Variants in TMPRSS15 observed in about 807,000 individuals in gnomAD.
TMPRSS15 encodes the protein transmembrane serine protease 15.
Under a neutral mutation model 125.3 loss-of-function variants are expected in TMPRSS15, and 128 were observed. That is an observed-to-expected ratio of 1.02 (90% confidence interval 0.89 to 1.18). The LOEUF (loss-of-function observed/expected upper bound fraction) is 1.18, where lower values mean the gene tolerates loss of function less well. Among genes scored for constraint, TMPRSS15 ranks in the 50% most tolerant of loss-of-function variants. TMPRSS15 has a pLI of 0.00. For synonymous variants in TMPRSS15, 446 were observed against 423.2 expected (o/e 1.05, Z -0.66); for missense variants, 1,283 against 1,212.7 (o/e 1.06, Z -0.86).
chr21:18,396,559 G>GGTCAGGAGATCGAGAC (rs961191531), intron 3 of TMPRSS15, among the ~76,000 whole-genome samples: 10 of 152,030 alleles, frequency 6.6e-5, no homozygotes, highest in African/African-American at 2.2e-4. Flanking sequence ...CGGATCACGA[G>GGTCAGGAGATCGAGAC]GTCAGGAGAT....
intron 1 of TMPRSS15, among the ~76,000 whole-genome samples, chr21:18,416,930 T>C (rs1330926529): frequency 1.3e-5 from 2 of 152,066 alleles, no homozygotes; most frequent in Non-Finnish European, 2.9e-5. Context: ...GATTTTGAGA[T>C]ACACCATGGC....
chr21:18,435,180 G>T (rs922468902), intron 1 of TMPRSS15, among the ~76,000 whole-genome samples: 1 of 152,180 alleles, frequency 6.6e-6, no homozygotes, highest in Non-Finnish European at 1.5e-5. Context: ...GAATAGGAGT[G>T]GTGAGAGAGG....
intron 5 of TMPRSS15, among the ~76,000 whole-genome samples, chr21:18,374,419 G>A (rs2075821433): frequency 7.1e-6 from 1 of 141,104 alleles, no homozygotes; most frequent in Admixed American, 7.7e-5. Flanking sequence ...CTTGCAGTGA[G>A]CCGAGATTGC....
At chr21:18,477,509 CAT>C (rs1978902535) in intron 1 of TMPRSS15, 1 of 152,022 alleles carries the variant, frequency 6.6e-6, no homozygotes, top group African/African-American at 2.4e-5. Context: ...AAGTAACAAA[CAT>C]GGAAATTTAA....
At chr21:18,369,213 G>A (rs975926671) in intron 6 of TMPRSS15, among the ~76,000 whole-genome samples, 1 of 152,128 alleles carries the variant, frequency 6.6e-6, no homozygotes, top group East Asian at 1.9e-4. Flanking sequence ...TAGGACCCAC[G>A]AAGAACTCCC....
chr21:18,431,602 TAAG>T (rs1429621686), intron 1 of TMPRSS15, among the ~76,000 whole-genome samples: 3 of 152,252 alleles, frequency 2.0e-5, no homozygotes, highest in Admixed American at 1.3e-4. Flanking sequence ...TTTTCTCCAA[TAAG>T]AACTTTTTTC....
At chr21:18,287,515 C>A (rs2074779641) in intron 21 of TMPRSS15, among the ~76,000 whole-genome samples, 1 of 152,002 alleles carries the variant, frequency 6.6e-6, no homozygotes, top group South Asian at 2.1e-4. Flanking sequence ...ACAATGTGAT[C>A]CAAGATGATG....
At chr21:18,457,351 C>A (rs1211153306) in intron 1 of TMPRSS15, among the ~76,000 whole-genome samples, 6 of 151,968 alleles carry the variant, frequency 3.9e-5, no homozygotes, top group Non-Finnish European at 7.4e-5. Flanking sequence ...GAGACACGTA[C>A]GTTTCTCACC....
intron 1 of TMPRSS15, among the ~76,000 whole-genome samples, chr21:18,447,682 C>T (rs373528702): frequency 2.6e-5 from 4 of 152,132 alleles, no homozygotes; most frequent in Middle Eastern, 6.8e-3. Context: ...TTTATAGGGG[C>T]TTTTTCCCTC....
chr21:18,365,115 C>A, intron 7 of TMPRSS15, 25 bp downstream of exon 7: 1 of 1,588,016 alleles, frequency 6.3e-7, no homozygotes, highest in Non-Finnish European at 8.6e-7. Flanking sequence ...GACTTAAGAA[C>A]AGAAAATATA....
intron 8 of TMPRSS15, among the ~76,000 whole-genome samples, chr21:18,359,086 C>T (rs149599905): frequency 6.6e-6 from 1 of 152,066 alleles, no homozygotes; most frequent in African/African-American, 2.4e-5. Context: ...TTTATTTCCC[C>T]GTGGAATTTT....
In TMPRSS15 at chr21:18,365,344, C is replaced by G. The variant is rs761293604; in HGVS notation, c.665-96G>C. The G allele has an allele frequency of 7.9e-5, 76 of 967,384 alleles. No individual in the cohort carries two copies. In the Middle Eastern group the frequency reaches 1.2e-3, roughly 16 times the overall value. 59.9% of individuals were successfully genotyped at this position (967,384 alleles called of 1,614,324 possible). A position where few individuals can be genotyped will look rare whatever the true frequency, so the allele number is the denominator to read the frequency against. On this transcript the variant is annotated intron_variant, in intron 6 of 24. Coordinates refer to ENST00000284885, the MANE Select transcript of TMPRSS15 (RefSeq NM_002772.3). ...CAGAATATTCATGGCAAAACCTGTA[C>G]AAGGTTATTTTATGAAACTGAAATG...
intron 1 of TMPRSS15, among the ~76,000 whole-genome samples, chr21:18,439,802 G>T (rs935455654): frequency 6.6e-6 from 1 of 152,128 alleles, no homozygotes. Context: ...CATCTTTAAA[G>T]CTCTTATTGA....
intron 6 of TMPRSS15, among the ~76,000 whole-genome samples, chr21:18,370,676 GTAGT>G (rs1292667077): frequency 6.6e-6 from 1 of 152,150 alleles, no homozygotes; most frequent in African/African-American, 2.4e-5. Flanking sequence ...TTCAAAGTCT[GTAGT>G]TAAACTTTAA....
At chr21:18,294,522 A>T (rs2074878821) in intron 20 of TMPRSS15, 78 bp from the exon 21 acceptor site, 1 of 1,603,360 alleles carries the variant, frequency 6.2e-7, no homozygotes, top group Admixed American at 1.7e-5. Flanking sequence ...GTGGTAACAA[A>T]ATAACTTCAG....
chr21:18,475,733 C>T (rs1258697536), intron 1 of TMPRSS15, among the ~76,000 whole-genome samples: 3 of 152,132 alleles, frequency 2.0e-5, no homozygotes, highest in African/African-American at 7.2e-5. Flanking sequence ...CTGAAAACTG[C>T]CCTTTAAGCT....
rs2075596625 is a variant in TMPRSS15 at position 18,353,776 on chromosome 21, T to C, written c.968A>G (p.Asp323Gly). ...ATATGTTGCATTAAAGCCAACATAATCACTTTCATCAGATTCTATAAGAAA... is the reference window on the plus strand; with the variant it reads ...ATATGTTGCATTAAAGCCAACATAACCACTTTCATCAGATTCTATAAGAAA... ...ATFLIESDES[D>G]YVGFNATYTA... Residue 323 changes from aspartate (D) to glycine (G), a missense_variant, in exon 9 of 25, where the codon GAT becomes GGT. By Grantham distance (94) the Asp-to-Gly change is moderately conservative. Coordinates refer to ENST00000284885, the MANE Select transcript of TMPRSS15 (RefSeq NM_002772.3). 6.2e-7 allele frequency: 1 copy of C among 1,611,740 alleles called. No homozygotes were observed. The highest frequency in any genetic ancestry group is 1.7e-5 in the Admixed American group (1 of 59,846).
intron 1 of TMPRSS15, among the ~76,000 whole-genome samples, chr21:18,463,355 A>T (rs2122953843): frequency 1.3e-5 from 2 of 151,830 alleles, no homozygotes; most frequent in African/African-American, 4.8e-5. Flanking sequence ...AAAGACAAAG[A>T]AGGGCATTAC....
chr21:18,279,454 T>C (rs2074665233), intron 22 of TMPRSS15, among the ~76,000 whole-genome samples: 1 of 149,764 alleles, frequency 6.7e-6, no homozygotes, highest in Non-Finnish European at 1.5e-5. Context: ...GCTTCCCGAG[T>C]AGCTGGGACT....
Sources: allele counts gnomAD v4.1 joint callset (sites outside exome capture counted in the v4.1 genomes callset), GRCh38; gene constraint gnomAD v4.1.1; transcripts MANE v1.5; gene names NCBI Gene and HGNC (gene_info 2026-07-23, HGNC 2026-07-21).